The following GFRA2 variants were observed in gnomAD, a reference collection of about 807,000 sequenced individuals.
The protein encoded by GFRA2 is GDNF family receptor alpha 2.
GFRA2 carries 17 observed loss-of-function variants against 48.3 expected under a neutral mutation model. The observed-to-expected ratio is 0.35, with a 90% confidence interval of 0.24 to 0.53. The LOEUF (loss-of-function observed/expected upper bound fraction) is 0.53. Among genes scored for constraint, GFRA2 ranks in the 20% least tolerant of loss-of-function variants. The probability of loss-of-function intolerance (pLI) is 0.93; values close to 1 mark genes in which losing one functional copy is unlikely to be tolerated. For synonymous variants in GFRA2, 305 were observed against 257.2 expected (o/e 1.19, Z -1.78); for missense variants, 660 against 637.3 (o/e 1.04, Z -0.38).
At chr8:21,697,147 G>GGGGAGGGGACAGAGGGGA (rs1193597275) in intron 7 of GFRA2, among the ~76,000 whole-genome samples, 1 of 115,950 alleles carries the variant, frequency 8.6e-6, no homozygotes, top group African/African-American at 3.3e-5. Context: ...GACAGAGGGA[G>GGGGAGGGGACAGAGGGGA]AGGGGAAGGG....
rs189368890 is a variant in GFRA2 at position 21,690,925 on chromosome 8, G to A, written c.*2353C>T. The A allele has an allele frequency of 3.3e-5, 5 of 152,264 alleles. No individual in the cohort carries two copies. The highest frequency in any genetic ancestry group is 1.9e-4 in the East Asian group (1 of 5,180). 9.4% of individuals were successfully genotyped at this position (152,264 alleles called of 1,614,324 possible). On this transcript the variant is annotated 3_prime_UTR_variant, in exon 9 of 9. Transcript: ENST00000524240. ...GGTCTTTGCTGTTTGCAAAGAACAC[G>A]GATTCCTAAGTGGATGCCATGACCA...
intron 3 of GFRA2, among the ~76,000 whole-genome samples, chr8:21,771,264 T>C (rs35101383): frequency 0.41 from 62,185 of 152,118 alleles, 13,216 homozygotes; most frequent in African/African-American, 0.51. Flanking sequence ...TCAAGGCCCG[T>C]GCTCTTCCAG....
intron 3 of GFRA2, among the ~76,000 whole-genome samples, chr8:21,767,716 AC>A (rs370133476): frequency 1 from 152,370 of 152,370 alleles, 76,185 homozygotes; most frequent in Non-Finnish European, 1. Flanking sequence ...TTTGGAGGGT[AC>A]CCAGAAAATA....
At chr8:21,724,414 T>C (rs957598979) in intron 4 of GFRA2, among the ~76,000 whole-genome samples, 82 of 152,130 alleles carry the variant, frequency 5.4e-4, no homozygotes, top group Non-Finnish European at 1.6e-4. Flanking sequence ...TTCTGATATA[T>C]GCCAATCTGT....
upstream of GFRA2, among the ~76,000 whole-genome samples, chr8:21,793,260 T>C (rs1205088478): frequency 6.6e-6 from 1 of 152,050 alleles, no homozygotes; most frequent in African/African-American, 2.4e-5. Context: ...ATGAGAATAA[T>C]GTTTTAGGAA....
chr8:21,799,194 G>A (rs1433583783), intron 2 of GFRA2, among the ~76,000 whole-genome samples: 1 of 151,528 alleles, frequency 6.6e-6, no homozygotes, highest in Non-Finnish European at 1.5e-5. Flanking sequence ...GTTCTCTTTA[G>A]TGAAAATTGA....
At chr8:21,717,292 A>G (rs1004247256) in intron 4 of GFRA2, among the ~76,000 whole-genome samples, 1 of 152,210 alleles carries the variant, frequency 6.6e-6, no homozygotes, top group African/African-American at 2.4e-5. Flanking sequence ...ACAGACATTA[A>G]CACCAGGGAA....
At chr8:21,722,344 G>T (rs571231728) in intron 4 of GFRA2, among the ~76,000 whole-genome samples, 1 of 152,330 alleles carries the variant, frequency 6.6e-6, no homozygotes, top group South Asian at 2.1e-4. Flanking sequence ...CATCACTGGA[G>T]CATATAAGAC....
At chr8:21,789,451 C>T (rs1008960043), upstream of GFRA2, among the ~76,000 whole-genome samples, 1 of 152,012 alleles carries the variant, frequency 6.6e-6, no homozygotes, top group African/African-American at 2.4e-5. Context: ...TCCGGGGGCT[C>T]GGGGGGCAGG....
At chr8:21,785,698 G>A (rs907286543) in intron 1 of GFRA2, among the ~76,000 whole-genome samples, 3 of 152,078 alleles carry the variant, frequency 2.0e-5, no homozygotes, top group South Asian at 4.1e-4. Flanking sequence ...ACCCCCACCC[G>A]AGTCACTTTC....
In GFRA2 at chr8:21,693,188, T is replaced by C; in HGVS notation, c.*90A>G. ...GAAAAACAATTTTTTTTTTGCAAGG[T>C]GTGTGTGTGTCTGTGTGTGTTTCCA... On this transcript the variant is annotated 3_prime_UTR_variant, in exon 9 of 9. Transcript: ENST00000524240. The C allele has an allele frequency of 8.4e-7, 1 of 1,186,808 alleles. No homozygotes were observed. The highest frequency in any genetic ancestry group is 1.1e-6 in the Non-Finnish European group (1 of 876,046). 73.5% of individuals were successfully genotyped at this position (1,186,808 alleles called of 1,614,324 possible).
chr8:21,696,918 T>A (rs1159993220), intron 7 of GFRA2, among the ~76,000 whole-genome samples: 2 of 73,952 alleles, frequency 2.7e-5, no homozygotes, highest in East Asian at 3.9e-4. Flanking sequence ...AGAGGGGACA[T>A]AGTAGAGGGA....
rs1246305637 is a variant in GFRA2 at position 21,694,349 on chromosome 8, C to T, written c.1272+115G>A. 4.9e-6 allele frequency: 5 copies of T among 1,024,440 alleles called. No individual in the cohort carries two copies. The African/African-American group carries it at 6.3e-5, about 13-fold the overall frequency. 63.5% of individuals were successfully genotyped at this position (1,024,440 alleles called of 1,614,324 possible). On this transcript the variant is annotated intron_variant, in intron 8 of 8. Transcript: ENST00000524240. Reference sequence around the variant, plus strand: ...TGCCCACCCTGGTCCAGAAGCTCAGCTGGCCCAGCCCATGCGATGAGATTT... The same window carrying T: ...TGCCCACCCTGGTCCAGAAGCTCAGTTGGCCCAGCCCATGCGATGAGATTT...
At chr8:21,770,088 G>A (rs898605974) in intron 3 of GFRA2, among the ~76,000 whole-genome samples, 5 of 152,156 alleles carry the variant, frequency 3.3e-5, no homozygotes, top group African/African-American at 9.7e-5. Context: ...CATGATGGCC[G>A]TCCCCACCCA....
intron 3 of GFRA2, among the ~76,000 whole-genome samples, chr8:21,764,020 G>A (rs1289278634): frequency 1.4e-5 from 2 of 146,636 alleles, no homozygotes; most frequent in Admixed American, 1.4e-4. Flanking sequence ...CCAGCTGACT[G>A]GTCTCACTTT....
intron 7 of GFRA2, among the ~76,000 whole-genome samples, chr8:21,701,299 C>T (rs1802462583): frequency 6.6e-6 from 1 of 152,154 alleles, no homozygotes; most frequent in Admixed American, 6.5e-5. Context: ...GAGGCTGAGG[C>T]AGGAGAATGG....
In GFRA2 at chr8:21,702,833, C is replaced by G; in HGVS notation, c.1190G>C (p.Ser397Thr). Residue 397 changes from serine to threonine, a missense_variant, in exon 7 of 9, where the codon AGT becomes ACT. Physicochemically the swap from Ser to Thr is moderately conservative, Grantham distance 58. Transcript: ENST00000524240. ...GACAGACGTGCAGGTGGTGATGACA[C>G]TGGTCCCCAAGCTGGTACTGTCACT... ...DLSDSTSLGT[S>T]VITTCTSVQE... The G allele has an allele frequency of 6.2e-7, 1 of 1,609,674 alleles. No individual in the cohort carries two copies. Among genetic ancestry groups the G allele is most frequent in the Non-Finnish European group, 8.5e-7 (1 of 1,177,742 alleles).
chr8:21,733,394 G>C (rs1385627205), intron 4 of GFRA2, among the ~76,000 whole-genome samples: 1 of 152,160 alleles, frequency 6.6e-6, no homozygotes, highest in Non-Finnish European at 1.5e-5. Context: ...AGAATGAGCA[G>C]ATGACAACTC....
chr8:21,767,199 A>G (rs1806209474), intron 3 of GFRA2, among the ~76,000 whole-genome samples: 1 of 147,180 alleles, frequency 6.8e-6, no homozygotes, highest in Non-Finnish European at 1.5e-5. Flanking sequence ...CACCGCCTAC[A>G]CATATCCACC....
Sources: gnomAD v4.1 joint callset for allele counts (sites outside exome capture counted in the v4.1 genomes callset) on GRCh38, gnomAD v4.1.1 for gene constraint, MANE v1.5 for transcripts, NCBI Gene and HGNC (gene_info 2026-07-23, HGNC 2026-07-21) for gene names.